The following CCDC178 variants were observed in gnomAD, a reference collection of about 807,000 sequenced individuals.
CCDC178 encodes the protein coiled-coil domain containing 178.
A neutral mutation model predicts 117.4 loss-of-function variants in CCDC178; 126 were observed. The observed-to-expected ratio is 1.07, with a 90% CI of 0.93 to 1.24. The LOEUF (loss-of-function observed/expected upper bound fraction) is 1.24. Ranked by LOEUF, CCDC178 falls within the 50% of genes most tolerant of loss-of-function variation. The pLI, the probability that CCDC178 is intolerant of heterozygous loss-of-function variation, is 0.00. For synonymous variants in CCDC178, 283 were observed against 313.4 expected (o/e 0.90, Z 1.02); for missense variants, 1,030 against 986.9 (o/e 1.04, Z -0.59).
intron 20 of CCDC178, among the ~76,000 whole-genome samples, chr18:33,097,744 C>G (rs1055963240): frequency 6.6e-6 from 1 of 152,056 alleles, no homozygotes; most frequent in African/African-American, 2.4e-5. Flanking sequence ...AGTTCTAAGT[C>G]CATTTCTGCC....
chr18:33,440,144 A>G (rs574947420), intron 1 of CCDC178, 63 bp from the exon 2 acceptor site: 1 of 152,342 alleles, frequency 6.6e-6, no homozygotes, highest in East Asian at 1.9e-4. Flanking sequence ...TACATGAGCC[A>G]CCACAAGGCG....
At chr18:33,141,381 C>T (rs1457417108) in intron 20 of CCDC178, among the ~76,000 whole-genome samples, 1 of 151,994 alleles carries the variant, frequency 6.6e-6, no homozygotes, top group African/African-American at 2.4e-5. Context: ...TGGCCTAGCC[C>T]CCAAACATAT....
At chr18:33,342,624 G>C (rs533539706) in intron 9 of CCDC178, among the ~76,000 whole-genome samples, 1 of 152,192 alleles carries the variant, frequency 6.6e-6, no homozygotes, top group Admixed American at 6.5e-5. Context: ...CCATACTCCT[G>C]GGAAGGTGCT....
At chr18:33,071,059 T>C (rs1176109447) in intron 21 of CCDC178, among the ~76,000 whole-genome samples, 4 of 152,084 alleles carry the variant, frequency 2.6e-5, no homozygotes, top group Non-Finnish European at 5.9e-5. Context: ...AAATAGTATG[T>C]GCTCCATCAA....
intron 14 of CCDC178, among the ~76,000 whole-genome samples, chr18:33,260,851 C>T (rs1003485743): frequency 2.0e-5 from 3 of 151,812 alleles, no homozygotes; most frequent in African/African-American, 2.4e-5. Context: ...GCACGCTTGT[C>T]ACAAATCTGG....
intron 20 of CCDC178, among the ~76,000 whole-genome samples, chr18:33,129,332 A>G (rs1004876885): frequency 6.6e-6 from 1 of 152,128 alleles, no homozygotes; most frequent in African/African-American, 2.4e-5. Context: ...AATGGGATTA[A>G]TAGAGAATAA....
intron 15 of CCDC178, among the ~76,000 whole-genome samples, chr18:33,231,380 A>G (rs556644142): frequency 6.6e-6 from 1 of 152,346 alleles, no homozygotes; most frequent in South Asian, 2.1e-4. Flanking sequence ...AGATTAAAAG[A>G]GACTCAAAAG....
Position 33,060,556 on chromosome 18 carries a change from T to A in CCDC178, c.2388+32205A>T, listed in dbSNP as rs561378373. Among the ~76,000 whole-genome samples, 14 of 152,100 alleles carry A rather than the reference T, an allele frequency of 9.2e-5. No individual in the cohort carries two copies. In the East Asian group the frequency reaches 1.4e-3, roughly 15 times the overall value. On this transcript the variant is annotated intron_variant, in intron 21 of 22. Transcript: ENST00000383096. ...AAAATTAAAATTACATTTTTTTTTT[T>A]AATTTTTAGTTTCTGAAGTAGCACA...
chr18:33,333,269 C>G lies in CCDC178; in HGVS notation c.784G>C (p.Asp262His). 1 of 1,612,864 alleles carries G rather than the reference C, an allele frequency of 6.2e-7. No individual in the cohort carries two copies. Among genetic ancestry groups the G allele is most frequent in the Non-Finnish European group, 8.5e-7 (1 of 1,179,278 alleles). Reference protein sequence around the residue: ...LEEANAKIQADIDYMNEHGPL... With the variant: ...LEEANAKIQAHIDYMNEHGPL... ...CCATGTTCATTCATGTAGTCTATGT[C>G]TGCTTGAATCTTTGCATTTGCTTCT... The change falls in exon 10 of 23, where the codon GAC becomes CAC. Residue 262 changes from aspartate (D) to histidine (H), a missense_variant. Transcript: ENST00000383096.
At chr18:33,389,305 AT>A (rs1461674930) in intron 5 of CCDC178, among the ~76,000 whole-genome samples, 1 of 152,082 alleles carries the variant, frequency 6.6e-6, no homozygotes, top group Non-Finnish European at 1.5e-5. Context: ...TTATTTCAAA[AT>A]TCATACATTT....
At chr18:33,360,073 G>A (rs1022374952) in intron 6 of CCDC178, among the ~76,000 whole-genome samples, 1 of 150,568 alleles carries the variant, frequency 6.6e-6, no homozygotes, top group African/African-American at 2.4e-5. Context: ...TTTAATGGAC[G>A]ATAACAAGTG....
chr18:33,417,037 C>G (rs1484580299), intron 2 of CCDC178, among the ~76,000 whole-genome samples: 2 of 152,190 alleles, frequency 1.3e-5, no homozygotes, highest in African/African-American at 4.8e-5. Context: ...CTGGAAAATA[C>G]TTTGGCAGTT....
chr18:33,194,900 C>CAAAA (rs530764182), intron 20 of CCDC178, among the ~76,000 whole-genome samples: 3,815 of 55,950 alleles, frequency 0.068, 216 homozygotes, highest in East Asian at 0.14. Flanking sequence ...TCTGTTTCTA[C>CAAAA]AAAAAAAAAA....
At chr18:32,955,058 G>C (rs557346725) in intron 22 of CCDC178, among the ~76,000 whole-genome samples, 48 of 152,232 alleles carry the variant, frequency 3.2e-4, no homozygotes, top group African/African-American at 1.1e-3. Context: ...AATTTCCTCA[G>C]TTCCAGTCAT....
intron 20 of CCDC178, among the ~76,000 whole-genome samples, chr18:33,187,273 T>C (rs113018166): frequency 6.6e-6 from 1 of 152,038 alleles, no homozygotes; most frequent in Non-Finnish European, 1.5e-5. Context: ...AAGATGAGAT[T>C]TGGGTGGGGA....
rs1200498399 is a variant in CCDC178 at position 33,127,023 on chromosome 18, C to G, written c.2239-34113G>C. On this transcript the variant is annotated intron_variant, in intron 20 of 22. Coordinates refer to ENST00000383096, the MANE Select transcript of CCDC178 (RefSeq NM_001105528.4). ...ATATATATATATATATATACACACA[C>G]ACACACACACACACACATGGATCTT... 9.3e-5 allele frequency among the ~76,000 whole-genome samples: 13 copies of G among 139,514 alleles called. No homozygotes were observed. In the South Asian group the frequency reaches 2.8e-3, roughly 30 times the overall value. The allele number at this position is 139,514 out of a possible 152,430, so 91.5% of individuals were successfully genotyped here.
chr18:33,356,478 T>C, intron 6 of CCDC178, 132 bp from the exon 7 acceptor site: 1 of 965,232 alleles, frequency 1.0e-6, no homozygotes, highest in South Asian at 2.5e-5. Flanking sequence ...ACTTATACTC[T>C]CGGTTGTATA....
chr18:33,055,014 T>C (rs1190694743), intron 21 of CCDC178, among the ~76,000 whole-genome samples: 1 of 152,234 alleles, frequency 6.6e-6, no homozygotes, highest in Non-Finnish European at 1.5e-5. Flanking sequence ...TGAATTTGCA[T>C]TTCTCTAATG....
rs1332724365 is a variant in CCDC178 at position 32,937,843 on chromosome 18, G to A, written c.*168C>T. ...TGAAAGTCACCTGTTTCATTGTTATGGATTTGCTGTGAGTAAAAGAGTGGC... is the reference window on the plus strand; with the variant it reads ...TGAAAGTCACCTGTTTCATTGTTATAGATTTGCTGTGAGTAAAAGAGTGGC... On this transcript the variant is annotated 3_prime_UTR_variant, in exon 23 of 23. Transcript: ENST00000383096. 1 of 592,636 alleles carries A rather than the reference G, an allele frequency of 1.7e-6. No individual in the cohort carries two copies. Among genetic ancestry groups the A allele is most frequent in the Non-Finnish European group, 3.0e-6 (1 of 329,124 alleles). The allele number at this position is 592,636 out of a possible 1,614,324, so 36.7% of individuals were successfully genotyped here.
Sources: gnomAD v4.1 joint callset for allele counts (sites outside exome capture counted in the v4.1 genomes callset) on GRCh38, gnomAD v4.1.1 for gene constraint, MANE v1.5 for transcripts, NCBI Gene and HGNC (gene_info 2026-07-23, HGNC 2026-07-21) for gene names.